CDK14: variants seen among roughly 807,000 people sequenced by gnomAD.
CDK14 encodes the protein cyclin dependent kinase 14, also known as cyclin-dependent kinase 14.
In CDK14, 34 loss-of-function variants were observed where a neutral mutation model predicts 60.7. The observed-to-expected ratio is 0.56, with a 90% confidence interval of 0.43 to 0.75. The LOEUF (loss-of-function observed/expected upper bound fraction) is 0.75. Among genes scored for constraint, CDK14 ranks in the 30% least tolerant of loss-of-function variants. The pLI is 0.00. For missense variants in CDK14, 482 were observed against 564.1 expected, an observed-to-expected ratio of 0.85 and a Z score of 1.47; for synonymous variants, 197 against 203.7, an observed-to-expected ratio of 0.97 and a Z score of 0.28.
rs117930077 is a variant in CDK14, at chr7:91,204,072, C to G, written c.*29-3093C>G. On this transcript the variant is annotated intron_variant, in intron 14 of 14. Transcript: ENST00000380050. Reference sequence around the variant, plus strand: ...CAATCAAGCAAGGATGAGGAGTGGTCAAGTGAGCCTTATGGAGAACTGCCC... The same window carrying G: ...CAATCAAGCAAGGATGAGGAGTGGTGAAGTGAGCCTTATGGAGAACTGCCC... Among the ~76,000 whole-genome samples the G allele has an allele frequency of 4.5e-3, 680 of 152,210 alleles. 3 individuals carry two copies. The highest frequency in any genetic ancestry group is 0.011 in the Admixed American group (167 of 15,296).
At chr7:90,727,514 T>C (rs1802688022) in intron 3 of CDK14, among the ~76,000 whole-genome samples, 1 of 152,184 alleles carries the variant, frequency 6.6e-6, no homozygotes, top group South Asian at 2.1e-4. Flanking sequence ...TTTCCTACTT[T>C]TTGGCTTAAA....
At chr7:91,058,887 C>T (rs929436372) in intron 11 of CDK14, among the ~76,000 whole-genome samples, 5 of 152,136 alleles carry the variant, frequency 3.3e-5, no homozygotes, top group African/African-American at 1.2e-4. Context: ...TGTCTCTGCC[C>T]GGCTTTGGTA....
At chr7:90,628,218 A>G (rs552744176) in intron 2 of CDK14, among the ~76,000 whole-genome samples, 144 of 152,188 alleles carry the variant, frequency 9.5e-4, no homozygotes, top group Middle Eastern at 6.8e-3. Context: ...TAGCCTCCCA[A>G]AGTGTTGGGA....
intron 4 of CDK14, among the ~76,000 whole-genome samples, chr7:90,768,043 A>G (rs1230846501): frequency 6.6e-6 from 1 of 152,258 alleles, no homozygotes; most frequent in Non-Finnish European, 1.5e-5. Flanking sequence ...ATTTATTCAC[A>G]TAAACTGTCA....
At chr7:90,893,994 T>C (rs1792219262) in intron 6 of CDK14, among the ~76,000 whole-genome samples, 2 of 152,208 alleles carry the variant, frequency 1.3e-5, no homozygotes, top group African/African-American at 4.8e-5. Flanking sequence ...ATGCAACTCC[T>C]AGAAGTTCCT....
chr7:91,108,165 A>G (rs1428170188), intron 12 of CDK14, among the ~76,000 whole-genome samples: 2 of 152,152 alleles, frequency 1.3e-5, no homozygotes, highest in Non-Finnish European at 2.9e-5. Context: ...AAAATTAGCC[A>G]GGCATGGTGG....
intron 5 of CDK14, among the ~76,000 whole-genome samples, chr7:90,850,116 C>A (rs1790601191): frequency 6.6e-6 from 1 of 151,926 alleles, no homozygotes; most frequent in East Asian, 1.9e-4. Flanking sequence ...TTTTAAAATT[C>A]TGTGACATCT....
intron 4 of CDK14, among the ~76,000 whole-genome samples, chr7:90,788,917 G>GCTCCCC (rs1805711730): frequency 6.6e-6 from 1 of 152,060 alleles, no homozygotes; most frequent in Non-Finnish European, 1.5e-5. Flanking sequence ...AGAACATATA[G>GCTCCCC]TGTAGGTGAA....
intron 9 of CDK14, among the ~76,000 whole-genome samples, chr7:90,958,931 CT>C (rs1794514501): frequency 1.3e-5 from 2 of 152,212 alleles, no homozygotes; most frequent in South Asian, 4.2e-4. Context: ...TTTCCCAAAC[CT>C]TTAAAAGCAC....
At chr7:91,125,983 A>T (rs1185296657) in intron 14 of CDK14, among the ~76,000 whole-genome samples, 1 of 152,158 alleles carries the variant, frequency 6.6e-6, no homozygotes, top group Non-Finnish European at 1.5e-5. Flanking sequence ...TGTGATTATA[A>T]TGTGCAATTA....
At chr7:90,882,146 T>G (rs1160120158) in intron 6 of CDK14, among the ~76,000 whole-genome samples, 2 of 151,782 alleles carry the variant, frequency 1.3e-5, no homozygotes, top group East Asian at 3.9e-4. Context: ...ACTGGCAAAT[T>G]GGATAAGGAA....
rs896984068 is a variant in CDK14 at position 90,663,909 on chromosome 7, G to GT, written c.123+59669dup. ...TTCCTTAAAAACTTTCCAAATTGTT[G>GT]TTTTTTTTTCTGAGTGTTGCTTAAA... On this transcript the variant is annotated intron_variant, in intron 2 of 14. Coordinates refer to ENST00000380050, the MANE Select transcript of CDK14 (RefSeq NM_001287135.2). Among the ~76,000 whole-genome samples, 22 of 149,564 alleles carry GT rather than the reference G, an allele frequency of 1.5e-4. No homozygotes were observed. In the East Asian group the frequency reaches 2.5e-3, roughly 17 times the overall value.
intron 5 of CDK14, among the ~76,000 whole-genome samples, chr7:90,807,189 C>T (rs1295972654): frequency 2.0e-5 from 3 of 152,336 alleles, no homozygotes; most frequent in Non-Finnish European, 4.4e-5. Context: ...TCCCTGACCC[C>T]CGAGTAGCGT....
chr7:90,979,558 A>G (rs867241275), intron 9 of CDK14: 1 of 152,206 alleles, frequency 6.6e-6, no homozygotes. Flanking sequence ...AGATCTACTA[A>G]ACAGAAAGTT....
At chr7:90,975,617 A>T (rs558872023) in intron 9 of CDK14, among the ~76,000 whole-genome samples, 1 of 152,186 alleles carries the variant, frequency 6.6e-6, no homozygotes, top group Non-Finnish European at 1.5e-5. Flanking sequence ...CTACATTGGT[A>T]TAAGACACTA....
intron 2 of CDK14, among the ~76,000 whole-genome samples, chr7:90,649,679 C>T (rs1449473586): frequency 2.6e-5 from 4 of 151,784 alleles, no homozygotes; most frequent in Non-Finnish European, 5.9e-5. Context: ...TCTCATTGTT[C>T]ACTTCCCACC....
chr7:90,637,122 G>A (rs1287122591), intron 2 of CDK14, among the ~76,000 whole-genome samples: 1 of 151,794 alleles, frequency 6.6e-6, no homozygotes, highest in Non-Finnish European at 1.5e-5. Context: ...GGTTTTCTTG[G>A]TCTCTATTTC....
intron 10 of CDK14, among the ~76,000 whole-genome samples, chr7:91,022,543 G>A (rs545754932): frequency 2.6e-5 from 4 of 152,248 alleles, no homozygotes; most frequent in South Asian, 4.1e-4. Context: ...AAACAATACA[G>A]TACCAAAGAG....
intron 11 of CDK14, among the ~76,000 whole-genome samples, chr7:91,071,500 CTG>C (rs1001331983): frequency 2.1e-4 from 32 of 152,364 alleles, no homozygotes; most frequent in African/African-American, 7.2e-4. Flanking sequence ...GCCTGGGAAA[CTG>C]TGCTTTTTCC....
Sources: gnomAD v4.1 joint callset for allele counts (sites outside exome capture counted in the v4.1 genomes callset) on GRCh38, gnomAD v4.1.1 for gene constraint, MANE v1.5 for transcripts, NCBI Gene and HGNC (gene_info 2026-07-23, HGNC 2026-07-21) for gene names.